Variants in EIF4G3 observed in about 807,000 individuals in gnomAD.
The protein encoded by EIF4G3 is eIF-4-gamma 3.
A neutral mutation model predicts 186.4 loss-of-function variants in EIF4G3; 34 were observed. That is an observed-to-expected ratio of 0.18 (90% confidence interval 0.14 to 0.24). The LOEUF is 0.24. Ranked by LOEUF, EIF4G3 falls within the 10% of genes least tolerant of loss-of-function variation. The probability of loss-of-function intolerance (pLI) is 1.00; values close to 1 mark genes in which losing one functional copy is unlikely to be tolerated. For synonymous variants in EIF4G3, 673 were observed against 679.5 expected, an observed-to-expected ratio of 0.99 and a Z score of 0.15; for missense variants, 1,536 against 1,948.5, an observed-to-expected ratio of 0.79 and a Z score of 3.99.
chr1:20,962,908 G>GTTTTTTTTTTTTTTTTTTTTTTTT (rs66593105), intron 12 of EIF4G3, among the ~76,000 whole-genome samples: 1 of 139,182 alleles, frequency 7.2e-6, no homozygotes, highest in African/African-American at 2.7e-5. Flanking sequence ...TTGTAGTTTT[G>GTTTTTTTTTTTTTTTTTTTTTTTT]TTTTTTTTTT....
chr1:21,100,391 T>C (rs1290158045), intron 2 of EIF4G3, among the ~76,000 whole-genome samples: 1 of 152,220 alleles, frequency 6.6e-6, no homozygotes, highest in African/African-American at 2.4e-5. Context: ...ATCTCAATAA[T>C]GCTGTTACCA....
At chr1:20,939,847 GTTTTTTTTTTTTTT>G (rs538504683) in intron 14 of EIF4G3, among the ~76,000 whole-genome samples, 2 of 89,914 alleles carry the variant, frequency 2.2e-5, no homozygotes, top group Admixed American at 1.4e-4. Context: ...AAGTTGTTTA[GTTTTTTTTTTTTTT>G]TTTTTTTTTT....
At chr1:20,954,963 G>A (rs1403758605) in intron 12 of EIF4G3, among the ~76,000 whole-genome samples, 1 of 152,198 alleles carries the variant, frequency 6.6e-6, no homozygotes, top group African/African-American at 2.4e-5. Flanking sequence ...TGGCATGTAG[G>A]AGGAAGGGCA....
chr1:20,984,131 C>G (rs1257970784), intron 7 of EIF4G3, among the ~76,000 whole-genome samples: 3 of 151,972 alleles, frequency 2.0e-5, no homozygotes, highest in Non-Finnish European at 4.4e-5. Context: ...CCAAAAAAAG[C>G]CACTAAATAT....
At chr1:20,849,331 G>T in intron 29 of EIF4G3, 84 bp downstream of exon 29, 1 of 658,024 alleles carries the variant, frequency 1.5e-6, no homozygotes, top group South Asian at 2.7e-5. Context: ...AGTTCACAAT[G>T]ACACCTGATT....
At chr1:21,075,087 A>AG (rs2095546079) in intron 3 of EIF4G3, among the ~76,000 whole-genome samples, 2 of 152,300 alleles carry the variant, frequency 1.3e-5, no homozygotes, top group South Asian at 4.1e-4. Context: ...AAACAAGGAG[A>AG]GGGAAAAAAG....
At chr1:20,965,149 T>C (rs760461095) in intron 12 of EIF4G3, among the ~76,000 whole-genome samples, 12 of 152,190 alleles carry the variant, frequency 7.9e-5, no homozygotes, top group African/African-American at 2.9e-4. Flanking sequence ...AGGGCTCTCT[T>C]AGAGAGTGGC....
chr1:20,831,600 TCTTA>T (rs2065211120), intron 30 of EIF4G3, among the ~76,000 whole-genome samples: 7 of 151,296 alleles, frequency 4.6e-5, no homozygotes, highest in Admixed American at 4.6e-4. Flanking sequence ...CTTCCAATCA[TCTTA>T]CTTTTTCTTT....
intron 2 of EIF4G3, among the ~76,000 whole-genome samples, chr1:21,127,571 A>C (rs187026545): frequency 2.6e-5 from 4 of 152,378 alleles, no homozygotes; most frequent in African/African-American, 7.2e-5. Context: ...GAATAAAGGA[A>C]CAAATGAATG....
At chr1:21,009,192 T>A (rs1442893713) in intron 4 of EIF4G3, among the ~76,000 whole-genome samples, 5 of 152,222 alleles carry the variant, frequency 3.3e-5, no homozygotes, top group Non-Finnish European at 7.3e-5. Flanking sequence ...TTCTTCTTTT[T>A]TCCTTGGAGA....
chr1:21,110,300 CTTT>C (rs1003890007), intron 2 of EIF4G3, among the ~76,000 whole-genome samples: 2 of 144,526 alleles, frequency 1.4e-5, no homozygotes, highest in Non-Finnish European at 1.5e-5. Flanking sequence ...AACGTTTTCT[CTTT>C]TTTTTTTTTT....
intron 18 of EIF4G3, among the ~76,000 whole-genome samples, chr1:20,892,028 C>G (rs934650348): frequency 5.9e-5 from 9 of 152,084 alleles, no homozygotes; most frequent in African/African-American, 2.4e-5. Context: ...CTCCAACACA[C>G]TGTAGGCATT....
chr1:20,809,364 C>T (rs1014128382), intron 36 of EIF4G3, among the ~76,000 whole-genome samples: 3 of 152,080 alleles, frequency 2.0e-5, no homozygotes, highest in Admixed American at 2.0e-4. Context: ...TCTCCAAGAG[C>T]GATTCAGGAC....
At chr1:21,166,111 C>CTTTTTTTTTTTTTTTTTT (rs2097850632) in intron 2 of EIF4G3, among the ~76,000 whole-genome samples, 1 of 123,626 alleles carries the variant, frequency 8.1e-6, no homozygotes, top group Non-Finnish European at 1.8e-5. Flanking sequence ...TAGTCTTAAA[C>CTTTTTTTTTTTTTTTTTT]TCTTTTTTTT....
chr1:20,958,032 C>G (rs1199994866), intron 12 of EIF4G3, among the ~76,000 whole-genome samples: 1 of 152,038 alleles, frequency 6.6e-6, no homozygotes, highest in Non-Finnish European at 1.5e-5. Context: ...AGAGAGAATC[C>G]TCCCTAAATC....
At chr1:20,885,499 T>C (rs947332705) in intron 19 of EIF4G3, among the ~76,000 whole-genome samples, 1 of 152,190 alleles carries the variant, frequency 6.6e-6, no homozygotes, top group Non-Finnish European at 1.5e-5. Context: ...GGAATCCAGA[T>C]GCTGAAAAGT....
At chr1:20,924,440 G>T (rs1331466760) in intron 14 of EIF4G3, among the ~76,000 whole-genome samples, 1 of 152,156 alleles carries the variant, frequency 6.6e-6, no homozygotes, top group Non-Finnish European at 1.5e-5. Flanking sequence ...ATATTAATAA[G>T]AAGTGAGGCA....
intron 29 of EIF4G3, chr1:20,847,839 ACTT>A (rs879240181): frequency 6.4e-6 from 3 of 471,536 alleles, no homozygotes; most frequent in South Asian, 3.1e-5. Flanking sequence ...ACTTCCTTCT[ACTT>A]CTTCTGAATT....
At chr1:21,022,849 C>A (rs1462512353) in intron 4 of EIF4G3, among the ~76,000 whole-genome samples, 1 of 152,138 alleles carries the variant, frequency 6.6e-6, no homozygotes, top group Non-Finnish European at 1.5e-5. Context: ...TTTGATATGG[C>A]CAACAGATCC....
Sources: allele counts gnomAD v4.1 joint callset (sites outside exome capture counted in the v4.1 genomes callset), GRCh38; gene constraint gnomAD v4.1.1; transcripts MANE v1.5; gene names NCBI Gene and HGNC (gene_info 2026-07-23, HGNC 2026-07-21).